Variants in KCTD8 observed in about 807,000 individuals in gnomAD.
KCTD8 encodes potassium channel tetramerization domain containing 8, also known as BTB/POZ domain-containing protein KCTD8.
A neutral mutation model predicts 31.5 loss-of-function variants in KCTD8; 27 were observed. That is an observed-to-expected ratio of 0.86 (90% CI 0.63 to 1.18). The LOEUF is 1.18. Ranked by LOEUF, KCTD8 falls within the 50% of genes most tolerant of loss-of-function variation. The pLI is 0.00. For missense variants in KCTD8, 658 were observed against 647.7 expected (o/e 1.02, Z -0.17); for synonymous variants, 290 against 280.0 (o/e 1.04, Z -0.36).
At chr4:44,382,775 A>C (rs4695714) in intron 1 of KCTD8, among the ~76,000 whole-genome samples, 1 of 151,352 alleles carries the variant, frequency 6.6e-6, no homozygotes, top group African/African-American at 2.4e-5. Context: ...GTTCACTGTC[A>C]TCACTATTGT....
At chr4:44,271,196 C>T (rs115330190) in intron 1 of KCTD8, among the ~76,000 whole-genome samples, 2,014 of 152,134 alleles carry the variant, frequency 0.013, 54 homozygotes, top group African/African-American at 0.046. Flanking sequence ...AGTGTTATTT[C>T]CTATCAGAAG....
intron 1 of KCTD8, among the ~76,000 whole-genome samples, chr4:44,415,597 T>A (rs576662893): frequency 6.6e-6 from 1 of 152,308 alleles, no homozygotes; most frequent in East Asian, 1.9e-4. Context: ...CACTGCTCCC[T>A]GCATTCCAGC....
chr4:44,272,815 C>A (rs908473007), intron 1 of KCTD8, among the ~76,000 whole-genome samples: 10 of 152,012 alleles, frequency 6.6e-5, no homozygotes, highest in South Asian at 2.1e-4. Context: ...TACTGAAATC[C>A]ACTTATTACT....
intron 1 of KCTD8, among the ~76,000 whole-genome samples, chr4:44,382,772 G>A (rs191459208): frequency 6.6e-6 from 1 of 151,292 alleles, no homozygotes; most frequent in Non-Finnish European, 1.5e-5. Context: ...AATGTTCACT[G>A]TCATCACTAT....
intron 1 of KCTD8, among the ~76,000 whole-genome samples, chr4:44,427,848 AAAAAT>A (rs1294332589): frequency 6.6e-6 from 1 of 151,756 alleles, no homozygotes. Flanking sequence ...AGTAGATAGA[AAAAAT>A]AAAATAACAC....
At chr4:44,302,040 T>C (rs1457683947) in intron 1 of KCTD8, among the ~76,000 whole-genome samples, 1 of 152,130 alleles carries the variant, frequency 6.6e-6, no homozygotes, top group Admixed American at 6.5e-5. Context: ...ATATGTGGCG[T>C]TATTTCTGAG....
At chr4:44,381,679 T>C (rs1039224289) in intron 1 of KCTD8, among the ~76,000 whole-genome samples, 4 of 152,176 alleles carry the variant, frequency 2.6e-5, no homozygotes, top group Middle Eastern at 3.4e-3. Context: ...AGATCCCTCA[T>C]GAATGGCTTC....
intron 1 of KCTD8, among the ~76,000 whole-genome samples, chr4:44,197,924 G>T (rs913289723): frequency 3.9e-5 from 6 of 152,114 alleles, no homozygotes; most frequent in Non-Finnish European, 5.9e-5. Flanking sequence ...TAATCCAAGA[G>T]CTGAAATAAG....
At chr4:44,404,201 A>T (rs1404305748) in intron 1 of KCTD8, among the ~76,000 whole-genome samples, 1 of 152,244 alleles carries the variant, frequency 6.6e-6, no homozygotes, top group Non-Finnish European at 1.5e-5. Context: ...GAAAAGAAAT[A>T]GTCATATATA....
chr4:44,384,414 T>C (rs1417394711), intron 1 of KCTD8, among the ~76,000 whole-genome samples: 3 of 151,898 alleles, frequency 2.0e-5, no homozygotes, highest in Non-Finnish European at 4.4e-5. Flanking sequence ...TATTGACAGA[T>C]AAATGCTTTT....
chr4:44,397,124 A>G (rs1159670831), intron 1 of KCTD8, among the ~76,000 whole-genome samples: 1 of 152,204 alleles, frequency 6.6e-6, no homozygotes, highest in Non-Finnish European at 1.5e-5. Context: ...TAAGTTAACT[A>G]GATTGCTAGA....
intron 1 of KCTD8, among the ~76,000 whole-genome samples, chr4:44,356,319 C>A (rs1430791131): frequency 6.6e-6 from 1 of 152,130 alleles, no homozygotes; most frequent in Non-Finnish European, 1.5e-5. Flanking sequence ...TCTTGTACTT[C>A]TTTGAATCAT....
At chr4:44,302,341 T>C (rs1321988829) in intron 1 of KCTD8, among the ~76,000 whole-genome samples, 10 of 152,186 alleles carry the variant, frequency 6.6e-5, no homozygotes, top group Admixed American at 1.3e-4. Flanking sequence ...TGATTCTTCC[T>C]ACCCATGAGC....
chr4:44,202,929 C>T (rs988349030), intron 1 of KCTD8, among the ~76,000 whole-genome samples: 1 of 152,074 alleles, frequency 6.6e-6, no homozygotes, highest in African/African-American at 2.4e-5. Context: ...CACACATACA[C>T]ACAAAATCTA....
chr4:44,226,211 G>A (rs1714957619), intron 1 of KCTD8, among the ~76,000 whole-genome samples: 1 of 151,942 alleles, frequency 6.6e-6, no homozygotes, highest in Non-Finnish European at 1.5e-5. Flanking sequence ...CTCCTGACAG[G>A]CCCCGGTGTG....
At chr4:44,327,230 T>C (rs1718470488) in intron 1 of KCTD8, among the ~76,000 whole-genome samples, 1 of 151,948 alleles carries the variant, frequency 6.6e-6, no homozygotes, top group Non-Finnish European at 1.5e-5. Flanking sequence ...TGTCTTCCAC[T>C]TCTAGCAGTT....
intron 1 of KCTD8, among the ~76,000 whole-genome samples, chr4:44,197,265 C>A (rs972483536): frequency 1.3e-5 from 2 of 152,074 alleles, no homozygotes; most frequent in Non-Finnish European, 2.9e-5. Context: ...GGTATGCCTC[C>A]CTCCACAGGG....
Position 44,352,374 on chromosome 4 carries a change from AAAAGG to A in KCTD8, c.961+95184_961+95188del, listed in dbSNP as rs534685636. The stretch of plus-strand genomic sequence containing the variant: ...GATTGATAAGGATGGGAAATTTAGT[AAAAGG>A]AAAGACACATTAAAAAGAATAGAAA... On this transcript the variant is annotated intron_variant, in intron 1 of 1. Coordinates refer to ENST00000360029, the MANE Select transcript of KCTD8 (RefSeq NM_198353.3). Among the ~76,000 whole-genome samples the A allele has an allele frequency of 5.4e-3, 823 of 152,064 alleles. 12 individuals are homozygous for A. The highest frequency in any genetic ancestry group is 0.018 in the African/African-American group (766 of 41,520).
intron 1 of KCTD8, among the ~76,000 whole-genome samples, chr4:44,178,707 T>A (rs550837151): frequency 6.6e-6 from 1 of 152,030 alleles, no homozygotes; most frequent in Non-Finnish European, 1.5e-5. Flanking sequence ...AATATCAAAG[T>A]GAAAGACAAT....
Sources: allele counts gnomAD v4.1 joint callset (sites outside exome capture counted in the v4.1 genomes callset), GRCh38; gene constraint gnomAD v4.1.1; transcripts MANE v1.5; gene names NCBI Gene and HGNC (gene_info 2026-07-23, HGNC 2026-07-21).